Variants in CNTN4 observed in about 807,000 individuals in gnomAD.
CNTN4 encodes contactin 4.
In CNTN4, 77 loss-of-function variants were observed where a neutral mutation model predicts 122.5. The observed-to-expected ratio is 0.63, with a 90% confidence interval of 0.52 to 0.76. The LOEUF is 0.76. CNTN4 is among the 30% of genes least tolerant of loss of function. CNTN4 has a pLI of 0.00. For synonymous variants in CNTN4, 512 were observed against 447.0 expected, an observed-to-expected ratio of 1.15 and a Z score of -1.83; for missense variants, 1,256 against 1,259.1, an observed-to-expected ratio of 1.00 and a Z score of 0.04.
At chr3:2,271,359 C>G (rs2149817537) in intron 2 of CNTN4, among the ~76,000 whole-genome samples, 1 of 152,126 alleles carries the variant, frequency 6.6e-6, no homozygotes, top group Non-Finnish European at 1.5e-5. Flanking sequence ...TTGAAGGAAC[C>G]TCAAATTTTG....
intron 2 of CNTN4, among the ~76,000 whole-genome samples, chr3:2,336,077 T>C (rs1178545): frequency 0.67 from 102,176 of 151,434 alleles, 35,091 homozygotes; most frequent in East Asian, 0.95. Context: ...TTGTGATGAG[T>C]GGTATGCTAA....
At chr3:2,860,552 G>A (rs7624989) in intron 7 of CNTN4, among the ~76,000 whole-genome samples, 3,296 of 152,208 alleles carry the variant, frequency 0.022, 108 homozygotes, top group African/African-American at 0.076. Flanking sequence ...GGTCATTACC[G>A]TCATTATAGG....
At chr3:2,873,931 T>A (rs920623563) in intron 8 of CNTN4, among the ~76,000 whole-genome samples, 1 of 152,210 alleles carries the variant, frequency 6.6e-6, no homozygotes, top group Admixed American at 6.5e-5. Flanking sequence ...TTGCAACCTT[T>A]GTGTGGTTTT....
chr3:3,027,920 A>G (rs73808820), intron 15 of CNTN4, among the ~76,000 whole-genome samples: 15,563 of 152,210 alleles, frequency 0.1, 798 homozygotes, highest in Middle Eastern at 0.19. Context: ...TTTCATATGG[A>G]AAATGTCTAT....
intron 13 of CNTN4, chr3:2,927,401 G>A: frequency 2.3e-6 from 1 of 444,236 alleles, no homozygotes; most frequent in Non-Finnish European, 4.5e-6. Context: ...AGCCAAACAT[G>A]CATGGGTTCT....
intron 7 of CNTN4, among the ~76,000 whole-genome samples, chr3:2,863,726 G>T (rs2093694536): frequency 6.6e-6 from 1 of 151,898 alleles, no homozygotes; most frequent in Admixed American, 6.6e-5. Flanking sequence ...GAGCAAATAA[G>T]TTTGGATGCT....
chr3:2,319,716 T>G (rs932139621), intron 2 of CNTN4, among the ~76,000 whole-genome samples: 4 of 152,208 alleles, frequency 2.6e-5, no homozygotes, highest in African/African-American at 9.6e-5. Flanking sequence ...GGTAAGACTT[T>G]TGGTGAATAG....
At chr3:3,040,725 C>T (rs1272711080) in intron 20 of CNTN4, among the ~76,000 whole-genome samples, 2 of 152,026 alleles carry the variant, frequency 1.3e-5, no homozygotes, top group Admixed American at 6.6e-5. Flanking sequence ...GTTGGGAGTT[C>T]GGGACCAGCC....
intron 13 of CNTN4, among the ~76,000 whole-genome samples, chr3:2,970,166 C>T (rs1692755948): frequency 6.6e-6 from 1 of 152,048 alleles, no homozygotes; most frequent in Non-Finnish European, 1.5e-5. Flanking sequence ...ATAATCGTAG[C>T]TCATTTTAAC....
chr3:2,740,633 G>A (rs2149518377), intron 5 of CNTN4, among the ~76,000 whole-genome samples: 1 of 143,038 alleles, frequency 7.0e-6, no homozygotes, highest in African/African-American at 2.6e-5. Flanking sequence ...TAAATATTAT[G>A]CCTCTATTCA....
intron 3 of CNTN4, among the ~76,000 whole-genome samples, chr3:2,458,370 A>G (rs1170594294): frequency 6.6e-6 from 1 of 152,184 alleles, no homozygotes; most frequent in Non-Finnish European, 1.5e-5. Context: ...CTTGTGTATA[A>G]CAGTCCTATA....
intron 4 of CNTN4, among the ~76,000 whole-genome samples, chr3:2,654,055 A>G (rs1218529383): frequency 6.6e-6 from 1 of 152,226 alleles, no homozygotes; most frequent in Non-Finnish European, 1.5e-5. Flanking sequence ...TTAAGTGATG[A>G]TAGAGCTTAC....
chr3:2,394,552 A>G (rs1042692350), intron 3 of CNTN4, among the ~76,000 whole-genome samples: 4 of 152,198 alleles, frequency 2.6e-5, no homozygotes, highest in South Asian at 4.1e-4. Context: ...AATGGCTGAT[A>G]TGAAAGAGGC....
chr3:2,402,090 T>C (rs2046879608), intron 3 of CNTN4, among the ~76,000 whole-genome samples: 1 of 152,122 alleles, frequency 6.6e-6, no homozygotes, highest in Non-Finnish European at 1.5e-5. Flanking sequence ...CGGGTTGGTT[T>C]GACAAACTGA....
intron 15 of CNTN4, 124 bp downstream of exon 15, chr3:3,026,401 C>A (rs1221456142): frequency 1.1e-5 from 9 of 828,398 alleles, no homozygotes; most frequent in Non-Finnish European, 1.8e-5. Flanking sequence ...TTGGTTAATT[C>A]CTGCTCCTTT....
intron 16 of CNTN4, among the ~76,000 whole-genome samples, chr3:3,033,411 G>C (rs1223384461): frequency 6.6e-6 from 1 of 152,190 alleles, no homozygotes; most frequent in Admixed American, 6.5e-5. Flanking sequence ...AAAAAGGAAA[G>C]GGAATTTAGG....
chr3:2,555,943 C>T (rs2149391186), intron 3 of CNTN4, among the ~76,000 whole-genome samples: 1 of 152,230 alleles, frequency 6.6e-6, no homozygotes, highest in East Asian at 1.9e-4. Flanking sequence ...CATGGGTAAC[C>T]TATTACCCCA....
chr3:2,747,527 C>T (rs558881138), intron 6 of CNTN4, among the ~76,000 whole-genome samples: 4 of 151,372 alleles, frequency 2.6e-5, no homozygotes, highest in South Asian at 2.1e-4. Context: ...TGTAAAAGAC[C>T]GGGCATTTTA....
chr3:3,027,889 G>A (rs9836723), intron 15 of CNTN4, among the ~76,000 whole-genome samples: 23,196 of 152,154 alleles, frequency 0.15, 2,339 homozygotes, highest in African/African-American at 0.29. Flanking sequence ...ACAGCTGTCC[G>A]TAGAGCTGCT....
Sources: gnomAD v4.1 joint callset for allele counts (sites outside exome capture counted in the v4.1 genomes callset) on GRCh38, gnomAD v4.1.1 for gene constraint, MANE v1.5 for transcripts, NCBI Gene and HGNC (gene_info 2026-07-23, HGNC 2026-07-21) for gene names.